HECW2: variants seen among roughly 807,000 people sequenced by gnomAD.
HECW2 encodes HECT, C2 and WW domain containing E3 ubiquitin protein ligase 2, also known as E3 ubiquitin-protein ligase HECW2.
HECW2 carries 61 observed loss-of-function variants against 175.2 expected under a neutral mutation model. The ratio of observed to expected loss-of-function variants is 0.35; its 90% CI spans 0.28 to 0.43. The LOEUF (loss-of-function observed/expected upper bound fraction) is 0.43. Ranked by LOEUF, HECW2 falls within the 20% of genes least tolerant of loss-of-function variation. The pLI is 1.00. For synonymous variants in HECW2, 671 were observed against 731.0 expected (o/e 0.92, Z 1.32); for missense variants, 1,524 against 2,000.5 (o/e 0.76, Z 4.54).
intron 1 of HECW2, among the ~76,000 whole-genome samples, chr2:196,497,021 C>A (rs1019454329): frequency 2.6e-5 from 4 of 152,022 alleles, no homozygotes; most frequent in African/African-American, 9.7e-5. Context: ...GTAGACAGAC[C>A]CATTCCCAGT....
Position 196,319,721 on chromosome 2 carries a change from G to A in HECW2, c.1169C>T (p.Ser390Phe), listed in dbSNP as rs1190133597. 1.2e-6 allele frequency: 2 copies of A among 1,614,072 alleles called. No homozygotes were observed. The highest frequency in any genetic ancestry group is 1.7e-6 in the Non-Finnish European group (2 of 1,180,044). ...TTCCTCTGTGTCTATTTCCAGAGTG[G>A]AGCTAGTCCTGAATGAATGCTTGGG... ...GTPKHSFRTS[S>F]TLEIDTEELT... The change falls in exon 9 of 29, where the codon TCC becomes TTC. Residue 390 changes from serine (S) to phenylalanine (F), a missense_variant. Around this residue, in one of 11 missense-constraint regions of HECW2, gnomAD observed 604 missense variants for 588.3 expected, o/e 1.03. Transcript: ENST00000644978.
intron 1 of HECW2, chr2:196,586,737 A>G (rs1237105925): frequency 4.1e-5 from 2 of 48,614 alleles, no homozygotes; most frequent in East Asian, 3.2e-3. Context: ...AATAATGGTT[A>G]ACCAAAAAAA....
chr2:196,240,272 G>A (rs1003821747), intron 21 of HECW2, 177 bp downstream of exon 21: 3 of 395,368 alleles, frequency 7.6e-6, no homozygotes, highest in Non-Finnish European at 4.5e-6. Context: ...TCTATGTCAA[G>A]TGATTTAAAA....
intron 28 of HECW2, among the ~76,000 whole-genome samples, chr2:196,215,060 A>G (rs1391114058): frequency 6.6e-6 from 1 of 152,210 alleles, no homozygotes; most frequent in African/African-American, 2.4e-5. Flanking sequence ...TTTTACCTCA[A>G]AAATGCTACA....
intron 2 of HECW2, among the ~76,000 whole-genome samples, chr2:196,404,466 C>T (rs1342858858): frequency 6.6e-6 from 1 of 152,216 alleles, no homozygotes; most frequent in East Asian, 1.9e-4. Context: ...GGGTCTTCTA[C>T]TGCCTCCCCT....
chr2:196,409,150 C>A (rs769152326), intron 2 of HECW2, among the ~76,000 whole-genome samples: 122 of 152,148 alleles, frequency 8.0e-4, no homozygotes, highest in Admixed American at 5.8e-3. Flanking sequence ...TGTCAACACA[C>A]TACTGACCAT....
intron 5 of HECW2, 38 bp downstream of exon 5, chr2:196,329,537 A>G (rs1325747067): frequency 6.5e-7 from 1 of 1,536,250 alleles, no homozygotes; most frequent in South Asian, 1.1e-5. Flanking sequence ...GAAACTGTAC[A>G]CTTTCAAACT....
At chr2:196,410,406 A>G (rs1022503779) in intron 2 of HECW2, among the ~76,000 whole-genome samples, 10 of 152,234 alleles carry the variant, frequency 6.6e-5, no homozygotes, top group African/African-American at 1.9e-4. Flanking sequence ...ACTTAAAAAT[A>G]GACAAAGCAG....
chr2:196,274,259 G>A (rs1689855298), intron 15 of HECW2, 136 bp from the exon 16 acceptor site: 7 of 633,826 alleles, frequency 1.1e-5, no homozygotes, highest in Non-Finnish European at 1.7e-5. Context: ...ACCAGCTGTG[G>A]GGCTGAAGCA....
chr2:196,590,764 G>C (rs1052045631), intron 1 of HECW2, among the ~76,000 whole-genome samples: 2 of 152,178 alleles, frequency 1.3e-5, no homozygotes, highest in African/African-American at 4.8e-5. Context: ...CTCAACTACA[G>C]GTAACAACCT....
chr2:196,417,582 G>T (rs777641627), intron 2 of HECW2, among the ~76,000 whole-genome samples: 13 of 152,142 alleles, frequency 8.5e-5, no homozygotes, highest in Non-Finnish European at 1.9e-4. Context: ...TTTTTCAAAA[G>T]AATTTTATTA....
intron 13 of HECW2, among the ~76,000 whole-genome samples, chr2:196,302,742 T>C (rs113791035): frequency 0.013 from 1,983 of 152,344 alleles, 41 homozygotes; most frequent in African/African-American, 0.045. Flanking sequence ...TGTATAGGAA[T>C]GCTAGCAATT....
chr2:196,321,391 CT>C (rs10622627), intron 7 of HECW2, among the ~76,000 whole-genome samples: 14 of 139,762 alleles, frequency 1.0e-4, no homozygotes, highest in African/African-American at 1.6e-4. Context: ...CTTTTTCTCT[CT>C]TTTTTTTTTT....
chr2:196,251,278 CTCTT>C (rs1688843792), intron 19 of HECW2, among the ~76,000 whole-genome samples: 1 of 152,222 alleles, frequency 6.6e-6, no homozygotes, highest in Admixed American at 6.5e-5. Flanking sequence ...TCTGTTGGCT[CTCTT>C]TCTTTCACTT....
intron 1 of HECW2, 106 bp from the exon 2 acceptor site, chr2:196,433,564 G>A (rs1464791605): frequency 1.3e-6 from 1 of 758,020 alleles, no homozygotes; most frequent in Non-Finnish European, 2.1e-6. Context: ...GCCTGATCAT[G>A]CAATAATCTT....
chr2:196,569,854 C>T (rs554541590), intron 1 of HECW2, among the ~76,000 whole-genome samples: 3 of 152,268 alleles, frequency 2.0e-5, no homozygotes, highest in Non-Finnish European at 2.9e-5. Flanking sequence ...CTATATAAAC[C>T]CAAGTTATTA....
chr2:196,405,147 T>C (rs774067014), intron 2 of HECW2, among the ~76,000 whole-genome samples: 1 of 151,966 alleles, frequency 6.6e-6, no homozygotes, highest in Non-Finnish European at 1.5e-5. Flanking sequence ...GTTGGTAATA[T>C]TTCTAACTCC....
chr2:196,534,448 T>C (rs1165210264), intron 1 of HECW2, among the ~76,000 whole-genome samples: 4 of 152,174 alleles, frequency 2.6e-5, no homozygotes, highest in Admixed American at 2.6e-4. Flanking sequence ...AGGGAGGAAT[T>C]TGTTACTTTT....
chr2:196,218,535 C>T (rs138801881), intron 26 of HECW2, among the ~76,000 whole-genome samples: 19 of 152,064 alleles, frequency 1.2e-4, no homozygotes, highest in Non-Finnish European at 2.1e-4. Flanking sequence ...CTCCTGGGTC[C>T]GGGCGTGGTG....
Sources: allele counts gnomAD v4.1 joint callset (sites outside exome capture counted in the v4.1 genomes callset), GRCh38; gene constraint gnomAD v4.1.1; regional missense constraint gnomAD v4.1.1; transcripts MANE v1.5; gene names NCBI Gene and HGNC (gene_info 2026-07-23, HGNC 2026-07-21).